Variants in UNC80 observed in about 807,000 individuals in gnomAD.
The protein encoded by UNC80 is protein unc-80 homolog.
A neutral mutation model predicts 384.6 loss-of-function variants in UNC80; 164 were observed. The observed-to-expected ratio is 0.43, with a 90% CI of 0.38 to 0.49. The LOEUF is 0.49. Among genes scored for constraint, UNC80 ranks in the 20% least tolerant of loss-of-function variants. UNC80 has a pLI of 0.00. For synonymous variants in UNC80, 1,486 were observed against 1,527.8 expected, an observed-to-expected ratio of 0.97 and a Z score of 0.64; for missense variants, 3,330 against 4,143.0, an observed-to-expected ratio of 0.80 and a Z score of 5.39.
At chr2:209,891,228 A>AC (rs2086293638) in intron 26 of UNC80, among the ~76,000 whole-genome samples, 1 of 152,182 alleles carries the variant, frequency 6.6e-6, no homozygotes, top group Non-Finnish European at 1.5e-5. Flanking sequence ...TTTTTAAAAT[A>AC]CAGATAATCA....
chr2:209,865,489 C>T (rs2083671518), intron 22 of UNC80, among the ~76,000 whole-genome samples: 1 of 151,718 alleles, frequency 6.6e-6, no homozygotes, highest in Admixed American at 6.6e-5. Flanking sequence ...GTAGTCCCAG[C>T]TCCTCGGGAG....
At chr2:209,939,886 A>T (rs146983059) in intron 43 of UNC80, among the ~76,000 whole-genome samples, 226 of 152,288 alleles carry the variant, frequency 1.5e-3, no homozygotes, top group African/African-American at 5.3e-3. Context: ...AGAGCATCTG[A>T]ATCAGCAGAC....
intron 22 of UNC80, among the ~76,000 whole-genome samples, chr2:209,866,895 T>C (rs188825940): frequency 3.9e-5 from 6 of 152,330 alleles, no homozygotes; most frequent in Non-Finnish European, 5.9e-5. Flanking sequence ...TGGATTATTT[T>C]ATGTTGTACT....
intron 51 of UNC80, among the ~76,000 whole-genome samples, chr2:209,962,512 T>C (rs2092625869): frequency 6.6e-6 from 1 of 152,190 alleles, no homozygotes. Context: ...TGGATGCCTG[T>C]TAGTATATAA....
intron 23 of UNC80, among the ~76,000 whole-genome samples, chr2:209,873,175 C>T (rs925315736): frequency 6.6e-5 from 10 of 152,172 alleles, no homozygotes; most frequent in Admixed American, 1.3e-4. Context: ...CTCTGTTTTA[C>T]AGTTAAGAGA....
intron 22 of UNC80, among the ~76,000 whole-genome samples, chr2:209,856,312 TG>T (rs1223211357): frequency 6.6e-6 from 1 of 152,164 alleles, no homozygotes; most frequent in African/African-American, 2.4e-5. Flanking sequence ...TATCTTTTAT[TG>T]CTGATATTTA....
chr2:209,889,476 C>T (rs145514726), intron 26 of UNC80, among the ~76,000 whole-genome samples: 137 of 152,262 alleles, frequency 9.0e-4, no homozygotes, highest in African/African-American at 3.2e-3. Flanking sequence ...GTTTCTGTCC[C>T]TCTGTCCCTA....
intron 22 of UNC80, among the ~76,000 whole-genome samples, chr2:209,860,087 G>T (rs2083240612): frequency 6.6e-6 from 1 of 152,174 alleles, no homozygotes; most frequent in Non-Finnish European, 1.5e-5. Context: ...TTTTTGTCAT[G>T]AAGTATTTTT....
At chr2:209,970,155 G>T in intron 53 of UNC80, 1 of 426,014 alleles carries the variant, frequency 2.3e-6, no homozygotes. Flanking sequence ...GTTGCGCTGA[G>T]AGTTGAGGGC....
chr2:209,878,968 A>C (rs748862591), intron 24 of UNC80, among the ~76,000 whole-genome samples: 1 of 152,112 alleles, frequency 6.6e-6, no homozygotes. Flanking sequence ...ATGGGGCGTA[A>C]CATTAGGCAG....
At chr2:209,808,333 CG>C (rs575280937) in intron 7 of UNC80, among the ~76,000 whole-genome samples, 68 of 152,066 alleles carry the variant, frequency 4.5e-4, no homozygotes, top group African/African-American at 1.6e-3. Context: ...GAAGCCGAGG[CG>C]AGTGGGTCAC....
intron 5 of UNC80, among the ~76,000 whole-genome samples, chr2:209,788,023 C>T (rs1362355726): frequency 1.3e-5 from 2 of 152,004 alleles, no homozygotes; most frequent in Admixed American, 6.6e-5. Flanking sequence ...ATCTTGATGC[C>T]GGGTAGGCCT....
intron 51 of UNC80, 127 bp from the exon 52 acceptor site, chr2:209,967,310 G>GA: frequency 1.8e-6 from 1 of 559,472 alleles, no homozygotes; most frequent in Non-Finnish European, 2.8e-6. Flanking sequence ...ATGTTGGGAA[G>GA]AATGTTCTTA....
intron 23 of UNC80, among the ~76,000 whole-genome samples, chr2:209,876,113 T>G (rs924592464): frequency 6.6e-6 from 1 of 152,196 alleles, no homozygotes; most frequent in East Asian, 1.9e-4. Flanking sequence ...ATGAGTTGTT[T>G]CGTTATGTTA....
intron 21 of UNC80, among the ~76,000 whole-genome samples, chr2:209,844,441 TG>T: frequency 7.3e-6 from 1 of 137,096 alleles, no homozygotes; most frequent in Non-Finnish European, 1.5e-5. Context: ...TCTCTTTTCT[TG>T]CTCTTTTCTT....
chr2:209,902,431 G>C (rs1264685739), intron 28 of UNC80, among the ~76,000 whole-genome samples: 1 of 152,194 alleles, frequency 6.6e-6, no homozygotes, highest in Non-Finnish European at 1.5e-5. Context: ...GTTGAGGGTT[G>C]ATCGCAATTT....
rs2093032690 is a variant in UNC80, at chr2:209,977,075, T to C, written c.8935T>C (p.Ser2979Pro). 6.6e-7 allele frequency: 1 copy of C among 1,514,278 alleles called. No individual in the cohort carries two copies. The highest frequency in any genetic ancestry group is 9.0e-7 in the Non-Finnish European group (1 of 1,116,940). The allele number at this position is 1,514,278 out of a possible 1,614,324, so 93.8% of individuals were successfully genotyped here. A position where few individuals can be genotyped will look rare whatever the true frequency, so the allele number is the denominator to read the frequency against. The change falls in exon 58 of 65, where the codon TCA (serine) becomes CCA (proline). Residue 2979 changes from serine to proline, a missense_variant. Transcript: ENST00000673920. ...KILKEAVHSG[S>P]AYQGKTSIST... ...TCTAAAAGAGGCAGTTCATAGTGGA[T>C]CAGGTGAGTGTGCATGAGAGTGTTG...
At chr2:209,897,559 C>T (rs753178245) in intron 28 of UNC80, among the ~76,000 whole-genome samples, 52 of 151,996 alleles carry the variant, frequency 3.4e-4, no homozygotes, top group Admixed American at 6.6e-5. Flanking sequence ...ATCACCCTGA[C>T]GATTTTAATT....
In UNC80 at chr2:209,917,942, C is replaced by A. The variant is rs1368025145; in HGVS notation, c.5195C>A (p.Ala1732Glu). 1 of 1,551,606 alleles carries A rather than the reference C, an allele frequency of 6.4e-7. No individual in the cohort carries two copies. The highest frequency in any genetic ancestry group is 2.0e-5 in the Admixed American group (1 of 50,998). The change falls in exon 32 of 65, where the codon GCA becomes GAA. Residue 1732 changes from alanine to glutamate, a missense_variant. By Grantham distance (107) the Ala-to-Glu change is moderately radical (BLOSUM62 -1). Transcript: ENST00000673920. Reference protein sequence around the residue: ...YQVWPRMEEGAQQIFKIPPPS... With the variant: ...YQVWPRMEEGEQQIFKIPPPS... ...GTCTGGCCCCGGATGGAGGAAGGGGCACAGCAGATTTTTAAGGTGAGGGAT... is the reference window on the plus strand; with the variant it reads ...GTCTGGCCCCGGATGGAGGAAGGGGAACAGCAGATTTTTAAGGTGAGGGAT...
Sources: allele counts gnomAD v4.1 joint callset (sites outside exome capture counted in the v4.1 genomes callset), GRCh38; gene constraint gnomAD v4.1.1; transcripts MANE v1.5; gene names NCBI Gene and HGNC (gene_info 2026-07-23, HGNC 2026-07-21).